The following GTF2H1 variants were observed in gnomAD, a reference collection of about 807,000 sequenced individuals.
The protein encoded by GTF2H1 is general transcription factor IIH subunit 1.
A neutral mutation model predicts 71.2 loss-of-function variants in GTF2H1; 16 were observed. The ratio of observed to expected loss-of-function variants is 0.22; its 90% CI spans 0.15 to 0.34. The LOEUF (loss-of-function observed/expected upper bound fraction) is 0.34, where lower values mean the gene tolerates loss of function less well. Among genes scored for constraint, GTF2H1 ranks in the 10% least tolerant of loss-of-function variants. GTF2H1 has a pLI of 1.00. For missense variants in GTF2H1, 498 were observed against 648.2 expected, an observed-to-expected ratio of 0.77 and a Z score of 2.52; for synonymous variants, 215 against 219.0, an observed-to-expected ratio of 0.98 and a Z score of 0.16.
chr11:18,363,282 C>T (rs1865748456), intron 14 of GTF2H1, among the ~76,000 whole-genome samples: 1 of 152,044 alleles, frequency 6.6e-6, no homozygotes, highest in Non-Finnish European at 1.5e-5. Flanking sequence ...ATAGATAAAC[C>T]AGTAACATAT....
chr11:18,324,773 C>G (rs113468552), intron 1 of GTF2H1, among the ~76,000 whole-genome samples: 17 of 152,258 alleles, frequency 1.1e-4, no homozygotes, highest in African/African-American at 3.8e-4. Context: ...ACTCTTCTCT[C>G]AATTTTGGTA....
chr11:18,352,243 A>G, intron 10 of GTF2H1, 86 bp from the exon 11 acceptor site: 1 of 703,144 alleles, frequency 1.4e-6, no homozygotes, highest in South Asian at 1.8e-5. Context: ...AGGGGAACTT[A>G]GTACTGACTG....
intron 2 of GTF2H1, among the ~76,000 whole-genome samples, chr11:18,334,756 A>C (rs1238266819): frequency 2.0e-5 from 3 of 152,228 alleles, no homozygotes; most frequent in Admixed American, 6.5e-5. Context: ...TTAAAGAATG[A>C]TACAGTGAAA....
chr11:18,328,982 T>C (rs1052847348), intron 1 of GTF2H1, among the ~76,000 whole-genome samples: 3 of 152,202 alleles, frequency 2.0e-5, no homozygotes, highest in Non-Finnish European at 4.4e-5. Context: ...GTGGTATCGT[T>C]TATTAAGAAT....
chr11:18,324,472 A>C (rs907317483), intron 1 of GTF2H1, among the ~76,000 whole-genome samples: 2 of 152,162 alleles, frequency 1.3e-5, no homozygotes, highest in Non-Finnish European at 2.9e-5. Flanking sequence ...CTGGGTTGTG[A>C]ATGCTTCCTG....
At chr11:18,355,114 T>A (rs954138518) in intron 11 of GTF2H1, among the ~76,000 whole-genome samples, 6 of 151,462 alleles carry the variant, frequency 4.0e-5, no homozygotes, top group Non-Finnish European at 7.4e-5. Context: ...TCCTTTTTTT[T>A]AAAATTTTTT....
intron 3 of GTF2H1, 59 bp from the exon 4 acceptor site, chr11:18,338,050 T>C (rs565716372): frequency 3.5e-6 from 4 of 1,133,562 alleles, no homozygotes; most frequent in Non-Finnish European, 5.1e-6. Flanking sequence ...TTTTAAAATG[T>C]ACCTACATGG....
chr11:18,326,699 A>T (rs990786007), intron 1 of GTF2H1, among the ~76,000 whole-genome samples: 1 of 152,020 alleles, frequency 6.6e-6, no homozygotes, highest in Non-Finnish European at 1.5e-5. Flanking sequence ...TTAATTGGAG[A>T]CTTGCTCTAT....
intron 1 of GTF2H1, among the ~76,000 whole-genome samples, chr11:18,330,668 A>C (rs1209377907): frequency 6.6e-6 from 1 of 152,120 alleles, no homozygotes; most frequent in Non-Finnish European, 1.5e-5. Flanking sequence ...CCCTGCTCCC[A>C]CCAGCCTGAC....
At chr11:18,326,663 C>G (rs966649366) in intron 1 of GTF2H1, among the ~76,000 whole-genome samples, 3 of 152,050 alleles carry the variant, frequency 2.0e-5, no homozygotes, top group African/African-American at 7.2e-5. Flanking sequence ...CCAATACTAA[C>G]ACTTTATTTG....
In GTF2H1 at chr11:18,355,085, C is replaced by T. The variant is rs555796027; in HGVS notation, c.1260+2639C>T. The stretch of plus-strand genomic sequence containing the variant: ...TCGGCCTCCCAAAGTGCTGAGATTA[C>T]AGGCCGTTTTTTTCTTTTTCCTTTT... On this transcript the variant is annotated intron_variant, in intron 11 of 14. Coordinates refer to ENST00000265963, the MANE Select transcript of GTF2H1 (RefSeq NM_005316.4). 2.6e-5 allele frequency among the ~76,000 whole-genome samples: 4 copies of T among 151,792 alleles called. No individual in the cohort carries two copies. The South Asian group carries it at 8.4e-4, about 32-fold the overall frequency.
Position 18,348,078 on chromosome 11 carries a change from C to T in GTF2H1, c.1053+159C>T, listed in dbSNP as rs940784849. On this transcript the variant is annotated intron_variant, in intron 9 of 14. Coordinates refer to ENST00000265963, the MANE Select transcript of GTF2H1 (RefSeq NM_005316.4). ...GTATAGCATTACAAAGAGTATTTCCCCAGCTTTGGCTTGCCAGCCAACTTT... is the reference window on the plus strand; with the variant it reads ...GTATAGCATTACAAAGAGTATTTCCTCAGCTTTGGCTTGCCAGCCAACTTT... 4.7e-6 allele frequency: 3 copies of T among 638,002 alleles called. No homozygotes were observed. In the African/African-American group the frequency reaches 5.5e-5, roughly 12 times the overall value. The allele number at this position is 638,002 out of a possible 1,614,324, so 39.5% of individuals were successfully genotyped here.
chr11:18,340,819 G>T (rs1486452131), intron 5 of GTF2H1, among the ~76,000 whole-genome samples: 1 of 152,146 alleles, frequency 6.6e-6, no homozygotes, highest in African/African-American at 2.4e-5. Context: ...TAAACTCAGA[G>T]CTCAGCAAAC....
At chr11:18,328,085 C>A (rs1457245465) in intron 1 of GTF2H1, among the ~76,000 whole-genome samples, 2 of 151,988 alleles carry the variant, frequency 1.3e-5, no homozygotes, top group African/African-American at 4.8e-5. Context: ...GCCTCTAACC[C>A]CTAGTTACTG....
intron 5 of GTF2H1, among the ~76,000 whole-genome samples, chr11:18,340,787 G>C (rs1026136097): frequency 2.0e-5 from 3 of 152,196 alleles, no homozygotes; most frequent in Middle Eastern, 3.2e-3. Flanking sequence ...CACACAGATA[G>C]AAAGTGGCAG....
chr11:18,359,554 A>G (rs527447455), intron 13 of GTF2H1, among the ~76,000 whole-genome samples: 17 of 152,268 alleles, frequency 1.1e-4, no homozygotes, highest in African/African-American at 3.8e-4. Context: ...ATGAAATTCA[A>G]CATTTAGAAA....
intron 1 of GTF2H1, among the ~76,000 whole-genome samples, chr11:18,326,534 G>T (rs1481274382): frequency 6.6e-6 from 1 of 151,774 alleles, no homozygotes; most frequent in Non-Finnish European, 1.5e-5. Flanking sequence ...AAAAAAAAAG[G>T]TTATGTTTTT....
At chr11:18,337,876 A>G (rs1161079913) in intron 3 of GTF2H1, among the ~76,000 whole-genome samples, 3 of 152,170 alleles carry the variant, frequency 2.0e-5, no homozygotes, top group Non-Finnish European at 4.4e-5. Flanking sequence ...AAAGGGTTTA[A>G]TCTTTCCTTT....
intron 1 of GTF2H1, among the ~76,000 whole-genome samples, chr11:18,323,706 A>C (rs1156241781): frequency 6.6e-6 from 1 of 152,196 alleles, no homozygotes; most frequent in Non-Finnish European, 1.5e-5. Context: ...CTGGAACCCA[A>C]TATATAAAGC....
Sources: allele counts gnomAD v4.1 joint callset (sites outside exome capture counted in the v4.1 genomes callset), GRCh38; gene constraint gnomAD v4.1.1; transcripts MANE v1.5; gene names NCBI Gene and HGNC (gene_info 2026-07-23, HGNC 2026-07-21).